RBM47: variants seen among roughly 807,000 people sequenced by gnomAD.
The protein encoded by RBM47 is RNA binding motif protein 47.
Under a neutral mutation model 47.1 loss-of-function variants are expected in RBM47, and 21 were observed. The ratio of observed to expected loss-of-function variants is 0.45; its 90% confidence interval spans 0.32 to 0.64. RBM47 has a LOEUF of 0.64. RBM47 is among the 30% of genes least tolerant of loss of function. The probability of loss-of-function intolerance (pLI) is 0.05; values close to 1 mark genes in which losing one functional copy is unlikely to be tolerated. For missense variants in RBM47, 708 were observed against 870.9 expected (o/e 0.81, Z 2.35); for synonymous variants, 375 against 361.7 (o/e 1.04, Z -0.42).
At chr4:40,559,267 A>T (rs530752572) in intron 1 of RBM47, among the ~76,000 whole-genome samples, 6 of 152,232 alleles carry the variant, frequency 3.9e-5, no homozygotes, top group Non-Finnish European at 8.8e-5. Context: ...GAGCCTAATA[A>T]ATATTTTTCA....
chr4:40,480,018 C>A (rs1720165014), intron 2 of RBM47, among the ~76,000 whole-genome samples: 1 of 120,000 alleles, frequency 8.3e-6, no homozygotes, highest in South Asian at 2.5e-4. Flanking sequence ...ATTCTTGTTG[C>A]CCAGGCTGGA....
intron 2 of RBM47, among the ~76,000 whole-genome samples, chr4:40,472,562 C>CAAAAA (rs11403447): frequency 7.9e-6 from 1 of 126,494 alleles, no homozygotes; most frequent in Admixed American, 8.3e-5. Flanking sequence ...TGCTCTGTCT[C>CAAAAA]AAAAAAAAAA....
intron 1 of RBM47, among the ~76,000 whole-genome samples, chr4:40,609,769 C>G (rs1028035971): frequency 2.8e-4 from 43 of 152,104 alleles, no homozygotes; most frequent in Admixed American, 2.8e-3. Flanking sequence ...TGGTAACTAA[C>G]TACCTGCTTT....
In RBM47 at chr4:40,438,320, T is replaced by G. The variant is rs1283044187; in HGVS notation, c.574A>C (p.Lys192Gln). The G allele has an allele frequency of 6.2e-7, 1 of 1,608,094 alleles. No homozygotes were observed. Among genetic ancestry groups the G allele is most frequent in the African/African-American group, 1.3e-5 (1 of 74,938 alleles). ...TCCACGAAGGCGAAGCCGCGGTTCT[T>G]CATCTTGTCGGCCGCGCTGGCGTAG... ...IVYASAADKM[K>Q]NRGFAFVEYE... The change falls in exon 4 of 7, where the codon AAG becomes CAG. Residue 192 changes from lysine (K) to glutamine (Q), a missense_variant. By Grantham distance (53) the Lys-to-Gln change is moderately conservative. Coordinates refer to ENST00000295971, the MANE Select transcript of RBM47 (RefSeq NM_001098634.2).
chr4:40,610,085 CTG>C (rs1379731545), intron 1 of RBM47, among the ~76,000 whole-genome samples: 3 of 151,950 alleles, frequency 2.0e-5, no homozygotes, highest in African/African-American at 7.2e-5. Flanking sequence ...AAGTGAAACT[CTG>C]TCTCAAAATA....
chr4:40,482,415 G>A (rs537520101), intron 2 of RBM47, among the ~76,000 whole-genome samples: 29 of 151,922 alleles, frequency 1.9e-4, no homozygotes, highest in African/African-American at 6.8e-4. Flanking sequence ...TACCACACCC[G>A]GCTAATTTTT....
At chr4:40,577,276 C>A (rs1038451469) in intron 1 of RBM47, among the ~76,000 whole-genome samples, 1 of 152,152 alleles carries the variant, frequency 6.6e-6, no homozygotes, top group Non-Finnish European at 1.5e-5. Flanking sequence ...CCAATGCCTG[C>A]ACCCACGCTT....
chr4:40,439,448 G>A (rs1713290502), intron 3 of RBM47, among the ~76,000 whole-genome samples: 1 of 152,206 alleles, frequency 6.6e-6, no homozygotes, highest in African/African-American at 2.4e-5. Context: ...AGAGAGAGCT[G>A]TGTATTAAAG....
At chr4:40,623,718 T>C (rs1737474050) in intron 1 of RBM47, among the ~76,000 whole-genome samples, 1 of 152,192 alleles carries the variant, frequency 6.6e-6, no homozygotes, top group Non-Finnish European at 1.5e-5. Flanking sequence ...TTTTTCCTTC[T>C]AGTAATGACC....
chr4:40,441,277 A>C (rs1398255744), intron 3 of RBM47, among the ~76,000 whole-genome samples: 1 of 150,372 alleles, frequency 6.7e-6, no homozygotes, highest in African/African-American at 2.4e-5. Context: ...AAGGAACCAA[A>C]AAAAAAAAGA....
chr4:40,545,666 A>AAAATAAAT (rs150331418), intron 1 of RBM47, among the ~76,000 whole-genome samples: 51,857 of 133,332 alleles, frequency 0.39, 10,839 homozygotes, highest in East Asian at 0.65. Context: ...CTCCTTCTCA[A>AAAATAAAT]AAATAAATAA....
chr4:40,586,538 C>T (rs1347347911), intron 1 of RBM47, among the ~76,000 whole-genome samples: 1 of 150,684 alleles, frequency 6.6e-6, no homozygotes, highest in Non-Finnish European at 1.5e-5. Context: ...GATGAAAACG[C>T]CTTACCCTGT....
chr4:40,611,431 CA>C, intron 1 of RBM47, among the ~76,000 whole-genome samples: 1 of 152,042 alleles, frequency 6.6e-6, no homozygotes, highest in South Asian at 2.1e-4. Flanking sequence ...AAAACAACAA[CA>C]AAAAACCCAC....
chr4:40,481,148 C>T (rs755702641), intron 2 of RBM47, among the ~76,000 whole-genome samples: 6 of 152,100 alleles, frequency 3.9e-5, no homozygotes, highest in African/African-American at 7.2e-5. Flanking sequence ...CCCTAACATT[C>T]TGGATTTATC....
At chr4:40,587,406 T>C (rs1158993799) in intron 1 of RBM47, among the ~76,000 whole-genome samples, 1 of 152,026 alleles carries the variant, frequency 6.6e-6, no homozygotes, top group Non-Finnish European at 1.5e-5. Context: ...TCCCTCAGTC[T>C]CCAAACATCT....
chr4:40,488,170 C>T (rs1343644063), intron 2 of RBM47, among the ~76,000 whole-genome samples: 2 of 151,920 alleles, frequency 1.3e-5, no homozygotes, highest in African/African-American at 4.8e-5. Flanking sequence ...ACAAAATTAG[C>T]CAGTGTAGTG....
At chr4:40,459,076 C>G (rs1486213183) in intron 3 of RBM47, among the ~76,000 whole-genome samples, 1 of 152,116 alleles carries the variant, frequency 6.6e-6, no homozygotes, top group South Asian at 2.1e-4. Flanking sequence ...TAAAATTCGC[C>G]TTCTATTATG....
intron 2 of RBM47, among the ~76,000 whole-genome samples, chr4:40,485,474 C>T (rs1222310364): frequency 6.6e-6 from 1 of 152,176 alleles, no homozygotes. Context: ...GTATGTGCCC[C>T]TTGACACCTC....
At chr4:40,475,045 T>C (rs1198956742) in intron 2 of RBM47, among the ~76,000 whole-genome samples, 3 of 152,150 alleles carry the variant, frequency 2.0e-5, no homozygotes, top group Admixed American at 1.3e-4. Flanking sequence ...ATATAAAATA[T>C]AACTAAACAA....
Sources: allele counts gnomAD v4.1 joint callset (sites outside exome capture counted in the v4.1 genomes callset), GRCh38; gene constraint gnomAD v4.1.1; transcripts MANE v1.5; gene names NCBI Gene and HGNC (gene_info 2026-07-23, HGNC 2026-07-21).